The following PDZD8 variants were observed in gnomAD, a reference collection of about 807,000 sequenced individuals.
PDZD8 encodes the protein PDZ domain containing 8, also known as PDZ domain-containing protein 8.
In PDZD8, 14 loss-of-function variants were observed where a neutral mutation model predicts 85.8. The ratio of observed to expected loss-of-function variants is 0.16; its 90% CI spans 0.11 to 0.26. The LOEUF is 0.26. Among genes scored for constraint, PDZD8 ranks in the 10% least tolerant of loss-of-function variants. PDZD8 has a pLI of 1.00. For missense variants in PDZD8, 1,197 were observed against 1,424.3 expected (o/e 0.84, Z 2.57); for synonymous variants, 592 against 568.6 (o/e 1.04, Z -0.59).
At chr10:117,360,438 GTTC>G (rs1809674175) in intron 1 of PDZD8, among the ~76,000 whole-genome samples, 1 of 151,890 alleles carries the variant, frequency 6.6e-6, no homozygotes, top group Non-Finnish European at 1.5e-5. Flanking sequence ...ATTCTTTCCT[GTTC>G]TTCTCTACCA....
chr10:117,353,274 A>G (rs911301428), intron 1 of PDZD8, among the ~76,000 whole-genome samples: 5 of 152,204 alleles, frequency 3.3e-5, no homozygotes, highest in Non-Finnish European at 7.3e-5. Context: ...AATTCTATTA[A>G]TACTGACTTG....
At position 117,371,648 on chromosome 10, in the gene PDZD8, C is replaced by T. The variant is rs114099066; in HGVS notation, c.872+2708G>A. Among the ~76,000 whole-genome samples, 447 of 152,258 alleles carry T rather than the reference C, an allele frequency of 2.9e-3. 3 individuals carry two copies. Among genetic ancestry groups the T allele is most frequent in the African/African-American group, 0.01 (420 of 41,548 alleles). The stretch of plus-strand genomic sequence containing the variant: ...CAATCCCATTCTAGTTTAAATCTTA[C>T]AAAGCGCCGGGCAAGGTGGCTCACA... On this transcript the variant is annotated intron_variant, in intron 1 of 4. Coordinates refer to ENST00000334464, the MANE Select transcript of PDZD8 (RefSeq NM_173791.5).
intron 1 of PDZD8, among the ~76,000 whole-genome samples, chr10:117,355,233 C>T (rs891877645): frequency 2.0e-5 from 3 of 152,202 alleles, no homozygotes; most frequent in African/African-American, 7.2e-5. Flanking sequence ...CCATACGTAG[C>T]CTAGTCCTAT....
chr10:117,305,319 C>A (rs752389704), intron 3 of PDZD8, among the ~76,000 whole-genome samples: 5 of 151,766 alleles, frequency 3.3e-5, no homozygotes, highest in African/African-American at 1.2e-4. Flanking sequence ...GGCTGAGGCA[C>A]GAGAATTGCT....
Position 117,374,566 on chromosome 10 carries a change from T to A in PDZD8, c.662A>T (p.Lys221Met). The A allele has an allele frequency of 6.2e-7, 1 of 1,600,156 alleles. No homozygotes were observed. Among genetic ancestry groups the A allele is most frequent in the Admixed American group, 1.7e-5 (1 of 57,258 alleles). Residue 221 changes from lysine to methionine, a missense_variant, in exon 1 of 5, where the codon AAG (lysine) becomes ATG (methionine). This residue lies in a region of PDZD8 where 344 missense variants were observed against 453.6 expected (regional missense o/e 0.76). Transcript: ENST00000334464. This position sits in a 1 kb window ranked among gnomAD's most constrained non-coding sequence, Gnocchi z 7.8. The part of the protein sequence containing the change: ...VFGKSAYLFV[K>M]LSRVVGRLRL... ...CAGCCTTCCCACCACGCGGGACAGC[T>A]TGACAAACAAGTAGGCGGACTTGCC...
intron 1 of PDZD8, among the ~76,000 whole-genome samples, chr10:117,344,927 T>C (rs1725481272): frequency 6.6e-6 from 1 of 152,168 alleles, no homozygotes; most frequent in Non-Finnish European, 1.5e-5. Context: ...GAACCCTGAC[T>C]GTCTTGCCCT....
At chr10:117,345,307 CT>C (rs1328375171) in intron 1 of PDZD8, among the ~76,000 whole-genome samples, 7 of 152,146 alleles carry the variant, frequency 4.6e-5, no homozygotes, top group Non-Finnish European at 1.0e-4. Flanking sequence ...TGCTGTGCCC[CT>C]AGTAGAGAAA....
chr10:117,296,972 A>C (rs189820230), intron 3 of PDZD8, among the ~76,000 whole-genome samples: 14 of 152,212 alleles, frequency 9.2e-5, no homozygotes, highest in African/African-American at 3.1e-4. Flanking sequence ...TTGCTCTTTG[A>C]AAGACAGTTA....
At chr10:117,304,156 G>A (rs572227203) in intron 3 of PDZD8, among the ~76,000 whole-genome samples, 59 of 152,204 alleles carry the variant, frequency 3.9e-4, no homozygotes, top group Non-Finnish European at 7.9e-4. Flanking sequence ...AGCCACAGAG[G>A]TGGAGCTGTC....
At chr10:117,364,576 GA>G (rs1203793917) in intron 1 of PDZD8, among the ~76,000 whole-genome samples, 2 of 151,866 alleles carry the variant, frequency 1.3e-5, no homozygotes, top group Non-Finnish European at 2.9e-5. Context: ...ATAATATGTT[GA>G]AAGGTGATAT....
In PDZD8 at chr10:117,278,409, G is replaced by A. The variant is rs1199201970; in HGVS notation, c.*4859C>T. 1 of 152,168 alleles carries A rather than the reference G, an allele frequency of 6.6e-6. No individual in the cohort carries two copies. The highest frequency in any genetic ancestry group is 1.9e-4 in the East Asian group (1 of 5,194). The allele number at this position is 152,168 out of a possible 1,614,324, so 9.4% of individuals were successfully genotyped here. A position where few individuals can be genotyped will look rare whatever the true frequency, so the allele number is the denominator to read the frequency against. Reference sequence around the variant, plus strand: ...AAAGAAAAATGGAACATCTAAAAATGTATGTGCTAACTATATCATCCAGTG... The same window carrying A: ...AAAGAAAAATGGAACATCTAAAAATATATGTGCTAACTATATCATCCAGTG... On this transcript the variant is annotated 3_prime_UTR_variant, in exon 5 of 5. Coordinates refer to ENST00000334464, the MANE Select transcript of PDZD8 (RefSeq NM_173791.5).
At chr10:117,335,103 G>A (rs1168785342) in intron 2 of PDZD8, among the ~76,000 whole-genome samples, 1 of 152,130 alleles carries the variant, frequency 6.6e-6, no homozygotes, top group Non-Finnish European at 1.5e-5. Flanking sequence ...AGTGCTGAAA[G>A]CCAAACATAA....
intron 2 of PDZD8, among the ~76,000 whole-genome samples, chr10:117,332,529 T>C (rs901639015): frequency 3.0e-5 from 4 of 135,270 alleles, no homozygotes; most frequent in Non-Finnish European, 6.2e-5. Flanking sequence ...TTTTTGAGAC[T>C]GAGTTCTGCT....
intron 2 of PDZD8, among the ~76,000 whole-genome samples, chr10:117,335,002 T>G (rs1202217441): frequency 6.6e-6 from 1 of 151,576 alleles, no homozygotes; most frequent in African/African-American, 2.4e-5. Flanking sequence ...AGCTCCCAAA[T>G]TTGGTTGTAA....
At position 117,284,220 on chromosome 10, in the gene PDZD8, T is replaced by C. The variant is rs573768933; in HGVS notation, c.2513A>G (p.Glu838Gly). Residue 838 changes from glutamate to glycine, a missense_variant, in exon 5 of 5, where the codon GAA (glutamate) becomes GGA (glycine). Glu to Gly is a moderately conservative substitution (Grantham distance 98). Coordinates refer to ENST00000334464, the MANE Select transcript of PDZD8 (RefSeq NM_173791.5). ...EQFVGQMGLT[E>G]NKHSFQDTQF... ...AGTATCCTGAAAACTGTGTTTGTTT[T>C]CTGTTAAACCCATCTGTCCAACAAA... 7 of 1,614,204 alleles carry C rather than the reference T, an allele frequency of 4.3e-6. No individual in the cohort carries two copies. In the East Asian group the frequency reaches 8.9e-5, roughly 21 times the overall value.
At chr10:117,292,389 C>G (rs914130611) in intron 3 of PDZD8, among the ~76,000 whole-genome samples, 2 of 152,004 alleles carry the variant, frequency 1.3e-5, no homozygotes, top group African/African-American at 4.8e-5. Flanking sequence ...TTAACAAAAC[C>G]CTTAACAACA....
At position 117,284,252 on chromosome 10, in the gene PDZD8, C is replaced by T. The variant is rs746806300; in HGVS notation, c.2481G>A (p.Glu827=). 1.2e-6 allele frequency: 2 copies of T among 1,614,198 alleles called. No homozygotes were observed. The highest frequency in any genetic ancestry group is 8.5e-7 in the Non-Finnish European group (1 of 1,180,030). The change falls in exon 5 of 5, where the codon GAG becomes GAA. Residue 827 remains glutamate (E), a synonymous_variant. Transcript: ENST00000334464. ...AACCCATCTGTCCAACAAATTGCTC[C>T]TCTTTAGGGAGAACAGAAACTTCTT... ...LVEEVSVLPK[E]EQFVGQMGLT...
Position 117,278,818 on chromosome 10 carries a change from C to A in PDZD8, c.*4450G>T, listed in dbSNP as rs1343743083. The stretch of plus-strand genomic sequence containing the variant: ...CAGTGTGTTTGAAGCAAACGAACTT[C>A]CAACTCACTTATTTGGCATTGGGCA... On this transcript the variant is annotated 3_prime_UTR_variant, in exon 5 of 5. Coordinates refer to ENST00000334464, the MANE Select transcript of PDZD8 (RefSeq NM_173791.5). The A allele has an allele frequency of 1.3e-5, 2 of 152,168 alleles. No individual in the cohort carries two copies. The highest frequency in any genetic ancestry group is 2.9e-5 in the Non-Finnish European group (2 of 68,036). 9.4% of individuals were successfully genotyped at this position (152,168 alleles called of 1,614,324 possible). A position where few individuals can be genotyped will look rare whatever the true frequency, so the allele number is the denominator to read the frequency against.
rs570950122 is a variant in PDZD8 at position 117,280,700 on chromosome 10, T to C, written c.*2568A>G. The C allele has an allele frequency of 1.3e-5, 2 of 152,346 alleles. No individual in the cohort carries two copies. The highest frequency in any genetic ancestry group is 1.9e-4 in the East Asian group (1 of 5,186). The allele number at this position is 152,346 out of a possible 1,614,324, so 9.4% of individuals were successfully genotyped here. A position where few individuals can be genotyped will look rare whatever the true frequency, so the allele number is the denominator to read the frequency against. ...CCTCTCCCAGTGAAATATAAAAATA[T>C]TGCACTACATTACAGATATAGTTTA... On this transcript the variant is annotated 3_prime_UTR_variant, in exon 5 of 5. Transcript: ENST00000334464.
Sources: allele counts gnomAD v4.1 joint callset (sites outside exome capture counted in the v4.1 genomes callset), GRCh38; gene constraint gnomAD v4.1.1; regional missense constraint gnomAD v4.1.1; non-coding constraint Gnocchi (gnomAD v3.1); transcripts MANE v1.5; gene names NCBI Gene and HGNC (gene_info 2026-07-23, HGNC 2026-07-21).